Variants in ITSN1 observed in about 807,000 individuals in gnomAD.
ITSN1 encodes the protein intersectin-1.
A neutral mutation model predicts 239.8 loss-of-function variants in ITSN1; 58 were observed. That is an observed-to-expected ratio of 0.24 (90% CI 0.20 to 0.30). The LOEUF is 0.30. ITSN1 is among the 10% of genes least tolerant of loss of function. The pLI is 1.00. For synonymous variants in ITSN1, 780 were observed against 770.8 expected (o/e 1.01, Z -0.20); for missense variants, 1,558 against 2,103.3 (o/e 0.74, Z 5.07).
At chr21:33,741,686 A>G (rs2066857738) in intron 5 of ITSN1, among the ~76,000 whole-genome samples, 3 of 151,936 alleles carry the variant, frequency 2.0e-5, no homozygotes. Flanking sequence ...AGGTCAGGAG[A>G]TCGAGACCAT....
At chr21:33,679,378 C>T (rs886799192) in intron 1 of ITSN1, among the ~76,000 whole-genome samples, 3 of 152,174 alleles carry the variant, frequency 2.0e-5, no homozygotes, top group Admixed American at 6.5e-5. Context: ...CCCAGATATT[C>T]GTTGACTTTG....
At chr21:33,759,137 A>G (rs1474239228) in intron 8 of ITSN1, among the ~76,000 whole-genome samples, 2 of 152,260 alleles carry the variant, frequency 1.3e-5, no homozygotes, top group Non-Finnish European at 2.9e-5. Flanking sequence ...CTCTGCTGCA[A>G]CTACTCAACT....
chr21:33,877,787 G>C (rs1984182571), intron 34 of ITSN1, among the ~76,000 whole-genome samples: 1 of 151,570 alleles, frequency 6.6e-6, no homozygotes, highest in African/African-American at 2.4e-5. Context: ...TTTTCATTCT[G>C]TTTTCAGCCT....
At chr21:33,713,093 G>A (rs1448363574) in intron 1 of ITSN1, among the ~76,000 whole-genome samples, 2 of 151,910 alleles carry the variant, frequency 1.3e-5, no homozygotes, top group African/African-American at 4.8e-5. Flanking sequence ...GGCCAGGCTG[G>A]TCACGAACTC....
At chr21:33,771,661 T>C (rs372631037) in intron 11 of ITSN1, among the ~76,000 whole-genome samples, 2 of 152,192 alleles carry the variant, frequency 1.3e-5, no homozygotes, top group African/African-American at 4.8e-5. Context: ...TTGAGAAATC[T>C]TGTTAGAATA....
intron 1 of ITSN1, among the ~76,000 whole-genome samples, chr21:33,644,419 G>A (rs918942642): frequency 1.3e-5 from 2 of 151,980 alleles, no homozygotes; most frequent in Non-Finnish European, 2.9e-5. Flanking sequence ...CTGATAGTAT[G>A]ATCTTTTTTT....
chr21:33,837,767 A>G (rs1451657655), intron 29 of ITSN1: 1 of 985,750 alleles, frequency 1.0e-6, no homozygotes, highest in Non-Finnish European at 1.2e-6. Context: ...TAGCCACATG[A>G]GAAAGCACTC....
At chr21:33,722,739 G>C in intron 4 of ITSN1, 88 bp downstream of exon 4, 1 of 1,248,288 alleles carries the variant, frequency 8.0e-7, no homozygotes, top group Non-Finnish European at 1.1e-6. Flanking sequence ...GATTTCTTAT[G>C]TTATAAAAGG....
chr21:33,702,234 A>C (rs1426034994), intron 1 of ITSN1, among the ~76,000 whole-genome samples: 1 of 150,170 alleles, frequency 6.7e-6, no homozygotes, highest in African/African-American at 2.5e-5. Context: ...CCCTGCACTC[A>C]GCCTCCTAAG....
intron 31 of ITSN1, among the ~76,000 whole-genome samples, chr21:33,862,679 G>C (rs1980850119): frequency 6.6e-6 from 1 of 152,182 alleles, no homozygotes; most frequent in African/African-American, 2.4e-5. Flanking sequence ...AGGTGGGTTG[G>C]GGCCTCTGAG....
At chr21:33,712,317 T>A (rs1273255395) in intron 1 of ITSN1, among the ~76,000 whole-genome samples, 1 of 152,214 alleles carries the variant, frequency 6.6e-6, no homozygotes, top group Non-Finnish European at 1.5e-5. Context: ...CTCTGCAGAA[T>A]GCTGTTTGTT....
chr21:33,716,950 G>T (rs879510137), intron 1 of ITSN1, among the ~76,000 whole-genome samples: 1 of 149,736 alleles, frequency 6.7e-6, no homozygotes, highest in Non-Finnish European at 1.5e-5. Flanking sequence ...AAAAAAAAAA[G>T]TGAAAGAGAC....
chr21:33,681,960 G>A (rs1458970589), intron 1 of ITSN1, among the ~76,000 whole-genome samples: 2 of 151,518 alleles, frequency 1.3e-5, no homozygotes, highest in South Asian at 2.1e-4. Flanking sequence ...GAACCACCGC[G>A]CCTGGCCTTG....
chr21:33,848,630 G>A (rs1311291274), intron 29 of ITSN1, among the ~76,000 whole-genome samples: 1 of 152,202 alleles, frequency 6.6e-6, no homozygotes, highest in Non-Finnish European at 1.5e-5. Flanking sequence ...CTACCGCATA[G>A]GATTCCTGGT....
rs375100743 is a variant in ITSN1, at chr21:33,678,205, C to T, written c.-33+35492C>T. ...TCGTTGGGTCTTTATACAGGCTGAA[C>T]CTCCTCTAGAACTAACTAGAAGCTA... On this transcript the variant is annotated intron_variant, in intron 1 of 39. Transcript: ENST00000381318. Among the ~76,000 whole-genome samples the T allele has an allele frequency of 2.6e-5, 4 of 152,256 alleles. No homozygotes were observed. The East Asian group carries it at 5.8e-4, about 22-fold the overall frequency.
chr21:33,752,666 G>A (rs565523185), intron 7 of ITSN1, among the ~76,000 whole-genome samples: 1 of 152,102 alleles, frequency 6.6e-6, no homozygotes, highest in East Asian at 1.9e-4. Flanking sequence ...CAGGAGGATC[G>A]CTTGAGCTCA....
At chr21:33,880,573 C>A (rs943831953) in intron 34 of ITSN1, among the ~76,000 whole-genome samples, 2 of 152,168 alleles carry the variant, frequency 1.3e-5, no homozygotes, top group African/African-American at 4.8e-5. Context: ...AGTGCAGTGG[C>A]CCCTTTCCAG....
chr21:33,668,132 A>C (rs1465308393), intron 1 of ITSN1, among the ~76,000 whole-genome samples: 1 of 152,180 alleles, frequency 6.6e-6, no homozygotes, highest in African/African-American at 2.4e-5. Context: ...GCATTTTCAC[A>C]GTTTTCTCCC....
intron 31 of ITSN1, among the ~76,000 whole-genome samples, chr21:33,863,655 G>A (rs1002519979): frequency 2.6e-5 from 4 of 152,170 alleles, no homozygotes; most frequent in African/African-American, 9.7e-5. Context: ...ATAGGAGAAG[G>A]AAAGGGTGAA....
Sources: gnomAD v4.1 joint callset for allele counts (sites outside exome capture counted in the v4.1 genomes callset) on GRCh38, gnomAD v4.1.1 for gene constraint, MANE v1.5 for transcripts, NCBI Gene and HGNC (gene_info 2026-07-23, HGNC 2026-07-21) for gene names.